Variants in PEBP1 observed in about 807,000 individuals in gnomAD.
The protein encoded by PEBP1 is phosphatidylethanolamine-binding protein 1.
In PEBP1, 17 loss-of-function variants were observed where a neutral mutation model predicts 22.7. That is an observed-to-expected ratio of 0.75 (90% CI 0.51 to 1.12). The LOEUF is 1.12. Ranked by LOEUF, PEBP1 falls within the 50% of genes most tolerant of loss-of-function variation. PEBP1 has a pLI of 0.00. For synonymous variants in PEBP1, 106 were observed against 104.3 expected, an observed-to-expected ratio of 1.02 and a Z score of -0.10; for missense variants, 205 against 243.5, an observed-to-expected ratio of 0.84 and a Z score of 1.05.
Position 118,139,565 on chromosome 12 carries a change from GT to G in PEBP1, c.346+19del. The G allele has an allele frequency of 7.0e-6, 11 of 1,568,242 alleles. No homozygotes were observed. Among genetic ancestry groups the G allele is most frequent in the South Asian group, 1.1e-5 (1 of 89,030 alleles). ...CCAAGGGCACAGGTTAGTAAAGGTTGTTTTTGGTGGGAGGTTGGGGAGGGAG... is the reference window on the plus strand; with the variant it reads ...CCAAGGGCACAGGTTAGTAAAGGTTGTTTTGGTGGGAGGTTGGGGAGGGAG... On this transcript the variant is annotated intron_variant, in intron 3 of 3. Transcript: ENST00000261313.
chr12:118,145,168 T>TTA lies in PEBP1; in HGVS notation c.*365_*366insTA. On this transcript the variant is annotated 3_prime_UTR_variant, in exon 4 of 4. Coordinates refer to ENST00000261313, the MANE Select transcript of PEBP1 (RefSeq NM_002567.4). ...CATCAAAGAATCTTTAAGGGAGGTT[T>TTA]AAAAAAAAAAAAAAAAAAAAAGATT... 3.9e-6 allele frequency: 1 copy of TTA among 256,032 alleles called. No homozygotes were observed. The highest frequency in any genetic ancestry group is 7.4e-6 in the Non-Finnish European group (1 of 135,732). The allele number at this position is 256,032 out of a possible 1,614,324, so 15.9% of individuals were successfully genotyped here. A position where few individuals can be genotyped will look rare whatever the true frequency, so the allele number is the denominator to read the frequency against.
chr12:118,139,337 G>A (rs914758266), intron 2 of PEBP1, 114 bp from the exon 3 acceptor site: 75 of 691,202 alleles, frequency 1.1e-4, no homozygotes, highest in Admixed American at 2.5e-4. Flanking sequence ...AGAAAGGACT[G>A]TTGTTCGTGG....
rs759086943 is a variant in PEBP1 at position 118,139,580 on chromosome 12, T to C, written c.346+29T>C. 1.8e-5 allele frequency: 26 copies of C among 1,448,252 alleles called. No homozygotes were observed. The South Asian group carries it at 2.7e-4, about 15-fold the overall frequency. The allele number at this position is 1,448,252 out of a possible 1,614,324, so 89.7% of individuals were successfully genotyped here. On this transcript the variant is annotated intron_variant, in intron 3 of 3. Transcript: ENST00000261313. Reference sequence around the variant, plus strand: ...AGTAAAGGTTGTTTTTGGTGGGAGGTTGGGGAGGGAGCTCGGGGGCACATT... The same window carrying C: ...AGTAAAGGTTGTTTTTGGTGGGAGGCTGGGGAGGGAGCTCGGGGGCACATT...
chr12:118,138,171 A>G (rs1219496047), intron 2 of PEBP1, 23 bp downstream of exon 2: 7 of 1,487,726 alleles, frequency 4.7e-6, no homozygotes, highest in Non-Finnish European at 6.6e-6. Context: ...AAAGACGAGA[A>G]GAGCAGGTCA....
intron 1 of PEBP1, among the ~76,000 whole-genome samples, chr12:118,137,344 A>G (rs1198936701): frequency 6.6e-6 from 1 of 151,940 alleles, no homozygotes; most frequent in Non-Finnish European, 1.5e-5. Flanking sequence ...TGTTGTTGGG[A>G]CTGAAATAAT....
At chr12:118,141,186 G>T (rs1458709585) in intron 3 of PEBP1, among the ~76,000 whole-genome samples, 1 of 151,290 alleles carries the variant, frequency 6.6e-6, no homozygotes, top group African/African-American at 2.4e-5. Flanking sequence ...GCGTGATCTC[G>T]GCTCACTACA....
intron 3 of PEBP1, among the ~76,000 whole-genome samples, chr12:118,140,122 T>C (rs1230370736): frequency 6.6e-6 from 1 of 152,134 alleles, no homozygotes; most frequent in Non-Finnish European, 1.5e-5. Flanking sequence ...AAAATACATG[T>C]AGATATTTAG....
At chr12:118,142,713 G>A (rs1242320450) in intron 3 of PEBP1, among the ~76,000 whole-genome samples, 1 of 149,992 alleles carries the variant, frequency 6.7e-6, no homozygotes, top group Non-Finnish European at 1.5e-5. Flanking sequence ...CTGACCTCAA[G>A]TGATCCACCT....
At chr12:118,141,119 T>TC (rs1160784064) in intron 3 of PEBP1, among the ~76,000 whole-genome samples, 8 of 151,354 alleles carry the variant, frequency 5.3e-5, no homozygotes, top group Admixed American at 1.3e-4. Context: ...CTTTCACTAT[T>TC]CTTTTTTTTT....
intron 3 of PEBP1, 59 bp downstream of exon 3, chr12:118,139,610 T>C (rs1325070471): frequency 7.7e-6 from 8 of 1,035,490 alleles, no homozygotes; most frequent in Non-Finnish European, 1.2e-5. Flanking sequence ...CACATTAGGA[T>C]TGACCCAATG....
At position 118,136,735 on chromosome 12, in the gene PEBP1, C is replaced by T. The variant is rs1405285533; in HGVS notation, c.135+391C>T. On this transcript the variant is annotated intron_variant, in intron 1 of 3. Transcript: ENST00000261313. The surrounding 1 kb of genome is among the most constrained non-coding windows in gnomAD (Gnocchi z 5.6). ...ACGCCCCCAGAGCTTCCCCTAGGGC[C>T]TCAGCATTTTAGGCCTGGTTTTGGA... is the stretch of plus-strand genomic sequence containing the variant. 5.9e-5 allele frequency among the ~76,000 whole-genome samples: 9 copies of T among 152,222 alleles called. No individual in the cohort carries two copies. The highest frequency in any genetic ancestry group is 7.2e-5 in the African/African-American group (3 of 41,460).
chr12:118,142,623 C>T (rs767257113), intron 3 of PEBP1, among the ~76,000 whole-genome samples: 9 of 151,966 alleles, frequency 5.9e-5, no homozygotes, highest in African/African-American at 4.8e-5. Context: ...ATTACAGACA[C>T]GTGCCACCAT....
Position 118,138,036 on chromosome 12 carries a change from CA to C in PEBP1, c.136-2del. Reference sequence around the variant, plus strand: ...TTTACTGCAAACTGGTTCCTTCATACAGGTTAAGAATAGACCCACCAGCATT... The same window carrying C: ...TTTACTGCAAACTGGTTCCTTCATACGGTTAAGAATAGACCCACCAGCATT... On this transcript the variant is annotated splice_acceptor_variant, in intron 1 of 3. Coordinates refer to ENST00000261313, the MANE Select transcript of PEBP1 (RefSeq NM_002567.4). LOFTEE classifies it high-confidence loss of function. 1 of 1,607,130 alleles carries C rather than the reference CA, an allele frequency of 6.2e-7. No individual in the cohort carries two copies. Among genetic ancestry groups the C allele is most frequent in the South Asian group, 1.1e-5 (1 of 90,494 alleles).
intron 3 of PEBP1, among the ~76,000 whole-genome samples, chr12:118,141,448 C>A (rs2034113550): frequency 6.6e-6 from 1 of 152,140 alleles, no homozygotes; most frequent in Admixed American, 6.5e-5. Flanking sequence ...ATAATGGTAT[C>A]ATGGACCAGG....
intron 3 of PEBP1, among the ~76,000 whole-genome samples, chr12:118,141,989 G>C (rs2138086866): frequency 6.6e-6 from 1 of 152,114 alleles, no homozygotes. Context: ...TTAAACTTCT[G>C]TGTATTATTC....
intron 3 of PEBP1, among the ~76,000 whole-genome samples, chr12:118,142,915 C>G (rs561398999): frequency 6.9e-6 from 1 of 144,800 alleles, no homozygotes; most frequent in South Asian, 2.3e-4. Context: ...TTTCAGCTCA[C>G]TGCAGGGCTC....
chr12:118,142,694 C>T (rs1827304791), intron 3 of PEBP1, among the ~76,000 whole-genome samples: 1 of 151,760 alleles, frequency 6.6e-6, no homozygotes. Flanking sequence ...CCAAGCTGGT[C>T]TCAAATTCCT....
Position 118,136,208 on chromosome 12 carries a change from C to A in PEBP1, c.-2C>A, listed in dbSNP as rs763969794. Reference sequence around the variant, plus strand: ...CGGCTGCACGCTCTGCTTGGCCTCGCCATGCCGGTGGACCTCAGCAAGTGG... The same window carrying A: ...CGGCTGCACGCTCTGCTTGGCCTCGACATGCCGGTGGACCTCAGCAAGTGG... On this transcript the variant is annotated 5_prime_UTR_variant, in exon 1 of 4. Coordinates refer to ENST00000261313, the MANE Select transcript of PEBP1 (RefSeq NM_002567.4). The surrounding 1 kb of genome is among the most constrained non-coding windows in gnomAD (Gnocchi z 5.6). 1 of 1,545,216 alleles carries A rather than the reference C, an allele frequency of 6.5e-7. No homozygotes were observed. The highest frequency in any genetic ancestry group is 1.2e-5 in the South Asian group (1 of 83,956).
rs1254674453 is a variant in PEBP1, at chr12:118,144,756, TG to T, written c.520del (p.Asp174MetfsTer39). On this transcript the variant is annotated frameshift_variant, in exon 4 of 4. Transcript: ENST00000261313. LOFTEE classifies it high-confidence loss of function. ...PVAGTCYQAE[W>X]DDYVPKLYEQ... Reference sequence around the variant, plus strand: ...GGCTGGCACGTGTTACCAGGCCGAGTGGGATGACTATGTGCCCAAACTGTAC... The same window carrying T: ...GGCTGGCACGTGTTACCAGGCCGAGTGGATGACTATGTGCCCAAACTGTAC... 4 of 1,613,962 alleles carry T rather than the reference TG, an allele frequency of 2.5e-6. No homozygotes were observed. The highest frequency in any genetic ancestry group is 3.4e-6 in the Non-Finnish European group (4 of 1,180,002).
Sources: gnomAD v4.1 joint callset for allele counts (sites outside exome capture counted in the v4.1 genomes callset) on GRCh38, gnomAD v4.1.1 for gene constraint, Gnocchi (gnomAD v3.1) non-coding constraint, MANE v1.5 for transcripts, NCBI Gene and HGNC (gene_info 2026-07-23, HGNC 2026-07-21) for gene names.